LIN28B: variants seen among roughly 807,000 people sequenced by gnomAD.
LIN28B encodes protein lin-28 homolog B.
In LIN28B, 5 loss-of-function variants were observed where a neutral mutation model predicts 21.9. The observed-to-expected ratio is 0.23, with a 90% CI of 0.12 to 0.48. LIN28B has a LOEUF of 0.48. LIN28B is among the 20% of genes least tolerant of loss of function. LIN28B has a pLI of 0.98. For missense variants in LIN28B, 245 were observed against 310.5 expected (o/e 0.79, Z 1.58); for synonymous variants, 109 against 111.3 (o/e 0.98, Z 0.13).
At chr6:104,946,717 G>T (rs73771026) in intron 2 of LIN28B, among the ~76,000 whole-genome samples, 6,034 of 152,166 alleles carry the variant, frequency 0.04, 434 homozygotes, top group African/African-American at 0.14. Context: ...AGAAAAATGT[G>T]TGTTGCTTTC....
intron 2 of LIN28B, among the ~76,000 whole-genome samples, chr6:105,024,707 A>C (rs150925074): frequency 6.8e-4 from 103 of 152,292 alleles, no homozygotes; most frequent in Middle Eastern, 3.4e-3. Context: ...CCCTGTTTTC[A>C]TGGGCTGTCT....
chr6:104,944,264 C>T (rs1448754624), intron 2 of LIN28B, among the ~76,000 whole-genome samples: 2 of 152,134 alleles, frequency 1.3e-5, no homozygotes, highest in South Asian at 2.1e-4. Context: ...AGGATCAATG[C>T]TAGAGGTTTT....
intron 2 of LIN28B, among the ~76,000 whole-genome samples, chr6:104,969,010 C>T (rs1769919214): frequency 7.2e-5 from 11 of 152,120 alleles, no homozygotes; most frequent in Admixed American, 7.2e-4. Context: ...AAGTTAGTAA[C>T]ACTTTTCAGC....
At chr6:105,036,464 T>C (rs1228463069) in intron 3 of LIN28B, among the ~76,000 whole-genome samples, 1 of 152,246 alleles carries the variant, frequency 6.6e-6, no homozygotes, top group Non-Finnish European at 1.5e-5. Context: ...CTTCTTGTGA[T>C]TATTTGGCCA....
At chr6:105,035,340 G>T (rs1251574761) in intron 3 of LIN28B, among the ~76,000 whole-genome samples, 2 of 152,086 alleles carry the variant, frequency 1.3e-5, no homozygotes, top group Admixed American at 1.3e-4. Context: ...CCTGATACTT[G>T]TGTGATTAGA....
At chr6:104,954,648 G>C (rs1778261685), upstream of LIN28B, among the ~76,000 whole-genome samples, 1 of 152,144 alleles carries the variant, frequency 6.6e-6, no homozygotes, top group Admixed American at 6.5e-5. Context: ...TACACAACTT[G>C]AAAGGCTGAT....
At chr6:105,018,477 A>G (rs1343962324) in intron 2 of LIN28B, among the ~76,000 whole-genome samples, 6 of 152,068 alleles carry the variant, frequency 3.9e-5, no homozygotes, top group Non-Finnish European at 5.9e-5. Context: ...TTCAATCTCC[A>G]TTAGAATCTC....
At chr6:105,041,930 G>GT (rs768025697) in intron 3 of LIN28B, among the ~76,000 whole-genome samples, 13 of 152,098 alleles carry the variant, frequency 8.5e-5, no homozygotes, top group African/African-American at 1.2e-4. Flanking sequence ...GAATCACGTA[G>GT]TTTATAATTC....
Position 105,026,396 on chromosome 6 carries a change from A to G in LIN28B, c.297A>G (p.Val99=), listed in dbSNP as rs372826010. 3.0e-5 allele frequency: 49 copies of G among 1,611,942 alleles called. No individual in the cohort carries two copies. The highest frequency in any genetic ancestry group is 3.0e-5 in the Non-Finnish European group (35 of 1,178,502). The part of the protein sequence containing the change: ...KSSKGLESIR[V]TGPGGSPCLG... ...CCAAAGGCCTTGAGTCAATACGGGT[A>G]ACAGGACCTGGTGGGAGCCCCTGTT... The change falls in exon 3 of 4, where the codon GTA becomes GTG. Residue 99 remains valine, a synonymous_variant. Transcript: ENST00000345080.
At chr6:104,993,587 G>A (rs1770538032) in intron 2 of LIN28B, among the ~76,000 whole-genome samples, 1 of 152,178 alleles carries the variant, frequency 6.6e-6, no homozygotes, top group Non-Finnish European at 1.5e-5. Flanking sequence ...TGTAATCCCA[G>A]CACTTTGGGA....
At chr6:104,949,723 C>T (rs1279373513) in intron 2 of LIN28B, among the ~76,000 whole-genome samples, 4 of 152,070 alleles carry the variant, frequency 2.6e-5, no homozygotes, top group Non-Finnish European at 5.9e-5. Context: ...TTAGTAGTCA[C>T]CAGGAGTTCC....
chr6:105,032,466 T>C (rs951421471), intron 3 of LIN28B, among the ~76,000 whole-genome samples: 4 of 152,136 alleles, frequency 2.6e-5, no homozygotes, highest in Non-Finnish European at 1.5e-5. Context: ...GGCTCACACC[T>C]TTAACACCAA....
intron 2 of LIN28B, among the ~76,000 whole-genome samples, chr6:105,006,713 C>T (rs1770822890): frequency 6.6e-6 from 1 of 152,114 alleles, no homozygotes; most frequent in African/African-American, 2.4e-5. Flanking sequence ...TCTGCAGAGT[C>T]CTGTAGTCAT....
chr6:104,970,395 T>C (rs1294112721), intron 2 of LIN28B, among the ~76,000 whole-genome samples: 2 of 152,214 alleles, frequency 1.3e-5, no homozygotes, highest in South Asian at 2.1e-4. Context: ...GCTTAAGTCA[T>C]GTGACTTCCC....
intron 3 of LIN28B, among the ~76,000 whole-genome samples, 189 bp from the exon 4 acceptor site, chr6:105,078,225 C>T (rs1215044758): frequency 6.6e-6 from 1 of 152,102 alleles, no homozygotes; most frequent in Non-Finnish European, 1.5e-5. Flanking sequence ...TTTAACCTCA[C>T]CAGAACATTT....
chr6:105,071,130 G>A (rs187621695), intron 3 of LIN28B, among the ~76,000 whole-genome samples: 2 of 152,188 alleles, frequency 1.3e-5, no homozygotes, highest in East Asian at 3.9e-4. Context: ...CGGCCACCTA[G>A]ACCTTCCAAA....
intron 2 of LIN28B, among the ~76,000 whole-genome samples, chr6:104,983,116 A>G (rs139373015): frequency 5.2e-4 from 79 of 152,246 alleles, no homozygotes; most frequent in African/African-American, 1.8e-3. Flanking sequence ...TCAATTGTAT[A>G]TTTTTATTTT....
At chr6:104,946,465 T>TTAA (rs1052370624) in intron 2 of LIN28B, among the ~76,000 whole-genome samples, 8 of 152,286 alleles carry the variant, frequency 5.3e-5, no homozygotes, top group African/African-American at 1.7e-4. Flanking sequence ...TTGTAATAGA[T>TTAA]ATTAAATGTT....
At chr6:105,054,268 T>G (rs1160895626) in intron 3 of LIN28B, among the ~76,000 whole-genome samples, 1 of 152,232 alleles carries the variant, frequency 6.6e-6, no homozygotes, top group Non-Finnish European at 1.5e-5. Flanking sequence ...CATTTGGTTT[T>G]GTTTGTATTT....
Sources: allele counts gnomAD v4.1 joint callset (sites outside exome capture counted in the v4.1 genomes callset), GRCh38; gene constraint gnomAD v4.1.1; transcripts MANE v1.5; gene names NCBI Gene and HGNC (gene_info 2026-07-23, HGNC 2026-07-21).